The following VAC14 variants were observed in gnomAD, a reference collection of about 807,000 sequenced individuals.
VAC14 encodes protein VAC14 homolog.
A neutral mutation model predicts 85.3 loss-of-function variants in VAC14; 47 were observed. The observed-to-expected ratio is 0.55, with a 90% CI of 0.44 to 0.70. VAC14 has a LOEUF of 0.70. Among genes scored for constraint, VAC14 ranks in the 30% least tolerant of loss-of-function variants. The probability of loss-of-function intolerance (pLI) is 0.00; values close to 1 mark genes in which losing one functional copy is unlikely to be tolerated. For synonymous variants in VAC14, 447 were observed against 430.5 expected (o/e 1.04, Z -0.47); for missense variants, 861 against 1,004.3 (o/e 0.86, Z 1.93).
At chr16:70,712,551 A>G (rs571868773) in intron 14 of VAC14, among the ~76,000 whole-genome samples, 3 of 152,324 alleles carry the variant, frequency 2.0e-5, no homozygotes, top group Admixed American at 6.5e-5. Flanking sequence ...TGTGTTCTGC[A>G]CAAAGACAGT....
In VAC14 at chr16:70,740,022, G is replaced by A. The variant is rs189868644; in HGVS notation, c.1528+4401C>T. On this transcript the variant is annotated intron_variant, in intron 13 of 18. Transcript: ENST00000261776. ...GTTGCCCAGGCTAGTGTGCAGTGGT[G>A]TGATCTCGGCTCTCTGCAACCTCCA... Among the ~76,000 whole-genome samples the A allele has an allele frequency of 3.6e-3, 555 of 152,222 alleles. 2 individuals carry two copies. Among genetic ancestry groups the A allele is most frequent in the South Asian group, 0.014 (69 of 4,812 alleles).
intron 3 of VAC14, among the ~76,000 whole-genome samples, 200 bp from the exon 4 acceptor site, chr16:70,785,038 T>C (rs528910065): frequency 6.6e-6 from 1 of 152,354 alleles, no homozygotes; most frequent in South Asian, 2.1e-4. Flanking sequence ...GAGGAGCAGA[T>C]TCAGGAAATA....
At chr16:70,766,331 G>A (rs1468805393) in intron 10 of VAC14, 6 of 376,156 alleles carry the variant, frequency 1.6e-5, no homozygotes, top group Non-Finnish European at 3.2e-5. Flanking sequence ...AGCCTGTGGG[G>A]CCTCTCCTGC....
At chr16:70,788,572 G>T (rs934136782) in intron 1 of VAC14, among the ~76,000 whole-genome samples, 1 of 152,204 alleles carries the variant, frequency 6.6e-6, no homozygotes, top group Non-Finnish European at 1.5e-5. Flanking sequence ...ACATCAACTT[G>T]TTTGGTCTCC....
chr16:70,760,367 C>T (rs1425751668), intron 12 of VAC14, among the ~76,000 whole-genome samples: 1 of 152,100 alleles, frequency 6.6e-6, no homozygotes, highest in African/African-American at 2.4e-5. Flanking sequence ...GTTGTTTTCC[C>T]ATTGCCAAGT....
At chr16:70,777,788 C>T (rs1275439508) in intron 9 of VAC14, among the ~76,000 whole-genome samples, 2 of 152,192 alleles carry the variant, frequency 1.3e-5, no homozygotes, top group African/African-American at 4.8e-5. Context: ...GGCGGATCAG[C>T]ACAAGTAAAC....
chr16:70,719,001 T>G (rs1597879197), intron 14 of VAC14, among the ~76,000 whole-genome samples: 1 of 152,322 alleles, frequency 6.6e-6, no homozygotes, highest in East Asian at 1.9e-4. Context: ...TCCTACCACA[T>G]GCCACCCAAA....
Position 70,688,273 on chromosome 16 carries a change from C to G in VAC14, c.2187-183G>C, listed in dbSNP as rs1023047128. On this transcript the variant is annotated intron_variant, in intron 18 of 18. Transcript: ENST00000261776. The stretch of plus-strand genomic sequence containing the variant: ...AGAGCTGGGAAGCCCCTGAGCATCC[C>G]CCTCTTCCGCAGTTGGTGGGAACAG... 1.2e-5 allele frequency: 15 copies of G among 1,237,810 alleles called. No individual in the cohort carries two copies. The African/African-American group carries it at 2.3e-4, about 19-fold the overall frequency. The allele number at this position is 1,237,810 out of a possible 1,614,324, so 76.7% of individuals were successfully genotyped here.
intron 16 of VAC14, among the ~76,000 whole-genome samples, chr16:70,696,456 T>C (rs1210251903): frequency 1.3e-5 from 2 of 152,188 alleles, no homozygotes; most frequent in Non-Finnish European, 2.9e-5. Flanking sequence ...GAGGTTGCAA[T>C]GGGCCAAGAT....
intron 14 of VAC14, among the ~76,000 whole-genome samples, chr16:70,722,541 C>T (rs1325258866): frequency 1.3e-5 from 2 of 152,176 alleles, no homozygotes; most frequent in Non-Finnish European, 2.9e-5. Context: ...AAGGGAGAAG[C>T]GCACGGGGCT....
intron 1 of VAC14, among the ~76,000 whole-genome samples, chr16:70,790,009 T>C (rs116580751): frequency 0.011 from 1,624 of 152,280 alleles, 24 homozygotes; most frequent in African/African-American, 0.029. Flanking sequence ...CCCGAGCAAC[T>C]GGACAGGAGA....
chr16:70,736,137 A>C (rs1319141377), intron 13 of VAC14, among the ~76,000 whole-genome samples: 1 of 152,192 alleles, frequency 6.6e-6, no homozygotes, highest in Non-Finnish European at 1.5e-5. Context: ...GGGCCGTTCC[A>C]GCCTCACAGG....
At chr16:70,726,039 A>G (rs1229761366) in intron 14 of VAC14, among the ~76,000 whole-genome samples, 1 of 152,260 alleles carries the variant, frequency 6.6e-6, no homozygotes, top group Non-Finnish European at 1.5e-5. Flanking sequence ...GACTGTCTTC[A>G]GACTTGCTCG....
chr16:70,712,903 G>C (rs1020851138), intron 14 of VAC14, among the ~76,000 whole-genome samples: 4 of 152,214 alleles, frequency 2.6e-5, no homozygotes, highest in Non-Finnish European at 5.9e-5. Context: ...GGCTGGGGAA[G>C]GTGCTACCTC....
At position 70,762,309 on chromosome 16, in the gene VAC14, T is replaced by C. The variant is rs185029659; in HGVS notation, c.1371+231A>G. On this transcript the variant is annotated intron_variant, in intron 12 of 18. Coordinates refer to ENST00000261776, the MANE Select transcript of VAC14 (RefSeq NM_018052.5). The surrounding 1 kb of genome is among the most constrained non-coding windows in gnomAD (Gnocchi z 4.1). ...TTTGAGTAGAGACGGAGTTTCACCA[T>C]GTTGGCCAGGCTAGTCTCGAACTCC... Among the ~76,000 whole-genome samples the C allele has an allele frequency of 1.9e-3, 291 of 152,252 alleles. 3 individuals carry two copies. Among genetic ancestry groups the C allele is most frequent in the African/African-American group, 6.5e-3 (272 of 41,538 alleles).
intron 4 of VAC14, 41 bp downstream of exon 4, chr16:70,784,735 A>G (rs750841733): frequency 1.8e-5 from 28 of 1,572,528 alleles, no homozygotes; most frequent in Non-Finnish European, 2.5e-5. Flanking sequence ...AGACGGGAGA[A>G]ACAGATTGTA....
chr16:70,720,953 C>G (rs1052414530), intron 14 of VAC14, among the ~76,000 whole-genome samples: 1 of 152,172 alleles, frequency 6.6e-6, no homozygotes, highest in Non-Finnish European at 1.5e-5. Context: ...AAAAAATGAG[C>G]GCTGACTTGA....
At chr16:70,695,752 C>A (rs1382351398) in intron 16 of VAC14, 129 bp from the exon 17 acceptor site, 3 of 810,208 alleles carry the variant, frequency 3.7e-6, no homozygotes, top group Non-Finnish European at 6.0e-6. Context: ...CAGGATTTGG[C>A]GCACAAAGGA....
intron 10 of VAC14, chr16:70,771,821 T>C (rs566716805): frequency 2.4e-4 from 81 of 343,886 alleles, no homozygotes; most frequent in African/African-American, 1.6e-3. Flanking sequence ...GCTCAAGCGA[T>C]GTGCCTGCCT....
Sources: allele counts gnomAD v4.1 joint callset (sites outside exome capture counted in the v4.1 genomes callset), GRCh38; gene constraint gnomAD v4.1.1; non-coding constraint Gnocchi (gnomAD v3.1); transcripts MANE v1.5; gene names NCBI Gene and HGNC (gene_info 2026-07-23, HGNC 2026-07-21).